The following CEP83 variants were observed in gnomAD, a reference collection of about 807,000 sequenced individuals.
CEP83 encodes the protein centrosomal protein of 83 kDa.
Under a neutral mutation model 101.9 loss-of-function variants are expected in CEP83, and 70 were observed. The observed-to-expected ratio is 0.69, with a 90% CI of 0.57 to 0.84. The LOEUF (loss-of-function observed/expected upper bound fraction) is 0.84, where lower values mean the gene tolerates loss of function less well. Ranked by LOEUF, CEP83 falls within the 40% of genes least tolerant of loss-of-function variation. CEP83 has a pLI of 0.00. For synonymous variants in CEP83, 264 were observed against 267.9 expected (o/e 0.99, Z 0.14); for missense variants, 715 against 787.2 (o/e 0.91, Z 1.10).
At chr12:94,289,804 C>T in the CEP83 span, among the ~76,000 whole-genome samples, 1 of 152,220 alleles carries the variant, frequency 6.6e-6, no homozygotes, top group Non-Finnish European at 1.5e-5. Context: ...AATGTTCCAG[C>T]TCTAGAGCAG....
chr12:94,349,703 C>T (rs566153563), intron 11 of CEP83, among the ~76,000 whole-genome samples: 22 of 152,278 alleles, frequency 1.4e-4, no homozygotes, highest in Admixed American at 7.2e-4. Flanking sequence ...CCTTTAAGAT[C>T]AGGAATAAAC....
chr12:94,437,391 C>T (rs1318107862), intron 1 of CEP83, among the ~76,000 whole-genome samples: 1 of 151,966 alleles, frequency 6.6e-6, no homozygotes, highest in East Asian at 1.9e-4. Context: ...CAAAGAACAC[C>T]CAGGAAATTC....
At chr12:94,319,498 G>A (rs1971273378) in intron 14 of CEP83, among the ~76,000 whole-genome samples, 1 of 152,118 alleles carries the variant, frequency 6.6e-6, no homozygotes, top group African/African-American at 2.4e-5. Flanking sequence ...ACTGTTTGAT[G>A]TGGGCATTTG....
intron 1 of CEP83, among the ~76,000 whole-genome samples, chr12:94,440,885 C>G (rs2066351619): frequency 6.6e-6 from 1 of 152,146 alleles, no homozygotes; most frequent in South Asian, 2.1e-4. Flanking sequence ...CAAGTACTTA[C>G]AGCCAACTGA....
At chr12:94,372,735 G>A (rs935923310) in intron 8 of CEP83, among the ~76,000 whole-genome samples, 4 of 152,102 alleles carry the variant, frequency 2.6e-5, no homozygotes, top group Non-Finnish European at 5.9e-5. Flanking sequence ...AAAGAACACC[G>A]AATAGGAAGT....
the CEP83 span, among the ~76,000 whole-genome samples, chr12:94,293,476 T>C: frequency 9.2e-4 from 140 of 152,338 alleles, 1 homozygote; most frequent in East Asian, 5.0e-3. Flanking sequence ...TTGTTCCTTA[T>C]AGTTCCAGAG....
chr12:94,455,893 A>G (rs1286905850), intron 1 of CEP83, among the ~76,000 whole-genome samples: 1 of 151,688 alleles, frequency 6.6e-6, no homozygotes, highest in Admixed American at 6.6e-5. Flanking sequence ...TCAAAATACA[A>G]AAAAAAAGCC....
chr12:94,392,547 A>C (rs1431394337), intron 6 of CEP83, among the ~76,000 whole-genome samples: 1 of 152,210 alleles, frequency 6.6e-6, no homozygotes, highest in Non-Finnish European at 1.5e-5. Flanking sequence ...GGAAAGATCT[A>C]AAATTGACAC....
chr12:94,266,021 G>A, the CEP83 span, among the ~76,000 whole-genome samples: 9 of 152,178 alleles, frequency 5.9e-5, no homozygotes, highest in African/African-American at 1.9e-4. Flanking sequence ...TTGATCTTTA[G>A]CTTTATGAAG....
At chr12:94,396,066 G>C (rs1263601623) in intron 6 of CEP83, among the ~76,000 whole-genome samples, 1 of 151,990 alleles carries the variant, frequency 6.6e-6, no homozygotes, top group Non-Finnish European at 1.5e-5. Context: ...TGTCTCCACT[G>C]AATTACCATT....
At chr12:94,385,229 C>A (rs889761683) in intron 6 of CEP83, among the ~76,000 whole-genome samples, 2 of 152,084 alleles carry the variant, frequency 1.3e-5, no homozygotes, top group Admixed American at 6.5e-5. Flanking sequence ...GGATGGGAAG[C>A]GTAGGAGTAA....
intron 11 of CEP83, among the ~76,000 whole-genome samples, chr12:94,348,374 T>C (rs979265855): frequency 3.3e-5 from 5 of 152,164 alleles, no homozygotes; most frequent in Non-Finnish European, 5.9e-5. Flanking sequence ...CATTTTATGG[T>C]CATTTGGCAT....
intron 11 of CEP83, among the ~76,000 whole-genome samples, chr12:94,346,404 C>T (rs1311126452): frequency 2.7e-5 from 4 of 148,792 alleles, no homozygotes; most frequent in Non-Finnish European, 5.9e-5. Flanking sequence ...GCTGAGATCA[C>T]ACCATTGCAC....
intron 6 of CEP83, 142 bp downstream of exon 6, chr12:94,400,708 T>C: frequency 2.7e-6 from 1 of 375,704 alleles, no homozygotes; most frequent in Non-Finnish European, 4.3e-6. Flanking sequence ...GATACGAAGC[T>C]GATGAAAATC....
At chr12:94,286,858 A>AT in the CEP83 span, among the ~76,000 whole-genome samples, 1 of 151,980 alleles carries the variant, frequency 6.6e-6, no homozygotes, top group Non-Finnish European at 1.5e-5. Context: ...CGTCTGAATG[A>AT]TTTACTCTCA....
At chr12:94,395,557 G>A (rs546323030) in intron 6 of CEP83, among the ~76,000 whole-genome samples, 1 of 151,946 alleles carries the variant, frequency 6.6e-6, no homozygotes, top group African/African-American at 2.4e-5. Flanking sequence ...GTGGTGACTC[G>A]GGACGCCTGT....
the CEP83 span, chr12:94,297,127 G>A: frequency 7.1e-6 from 11 of 1,552,566 alleles, no homozygotes; most frequent in Non-Finnish European, 8.9e-6. Context: ...AGAGAAGGCC[G>A]ATTAGCCCAT....
chr12:94,421,978 T>C (rs567770408), intron 2 of CEP83, among the ~76,000 whole-genome samples: 1 of 152,342 alleles, frequency 6.6e-6, no homozygotes, highest in Admixed American at 6.5e-5. Context: ...GAAACCAATA[T>C]GCTTTGTGTG....
At chr12:94,427,086 G>A (rs2065259475) in intron 2 of CEP83, among the ~76,000 whole-genome samples, 1 of 152,106 alleles carries the variant, frequency 6.6e-6, no homozygotes, top group South Asian at 2.1e-4. Flanking sequence ...TTATAAAAAG[G>A]TTTATCAAAC....
Sources: gnomAD v4.1 joint callset for allele counts (sites outside exome capture counted in the v4.1 genomes callset) on GRCh38, gnomAD v4.1.1 for gene constraint, MANE v1.5 for transcripts, NCBI Gene and HGNC (gene_info 2026-07-23, HGNC 2026-07-21) for gene names.